KAZN: variants seen among roughly 807,000 people sequenced by gnomAD.
KAZN encodes the protein kazrin.
A neutral mutation model predicts 87.4 loss-of-function variants in KAZN; 40 were observed. The ratio of observed to expected loss-of-function variants is 0.46; its 90% CI spans 0.36 to 0.60. The LOEUF (loss-of-function observed/expected upper bound fraction) is 0.60, where lower values mean the gene tolerates loss of function less well. Among genes scored for constraint, KAZN ranks in the 20% least tolerant of loss-of-function variants. The probability of loss-of-function intolerance (pLI) is 0.00; values close to 1 mark genes in which losing one functional copy is unlikely to be tolerated. For missense variants in KAZN, 898 were observed against 1,073.9 expected, an observed-to-expected ratio of 0.84 and a Z score of 2.29; for synonymous variants, 466 against 458.3, an observed-to-expected ratio of 1.02 and a Z score of -0.22.
intron 2 of KAZN, among the ~76,000 whole-genome samples, chr1:14,189,475 C>T (rs1646379262): frequency 6.6e-6 from 1 of 152,176 alleles, no homozygotes; most frequent in South Asian, 2.1e-4. Flanking sequence ...TCCTGTAAGT[C>T]TATGGATTGC....
In KAZN at chr1:14,647,821, C is replaced by G. The variant is rs183412406; in HGVS notation, c.226+48598C>G. 4.5e-4 allele frequency among the ~76,000 whole-genome samples: 68 copies of G among 152,200 alleles called. 1 individual carries two copies. The Middle Eastern group carries it at 0.01, about 23-fold the overall frequency. ...GGGTTCACCAATTTGTGATTTCTCC[C>G]GCACCTTAACCCCCTAAAGGTCAAC... On this transcript the variant is annotated intron_variant, in intron 1 of 14. Coordinates refer to ENST00000376030, the MANE Select transcript of KAZN (RefSeq NM_201628.3).
intron 1 of KAZN, among the ~76,000 whole-genome samples, chr1:14,738,779 G>A (rs1051058915): frequency 1.3e-5 from 2 of 152,166 alleles, no homozygotes; most frequent in South Asian, 2.1e-4. Context: ...AAGTGAGGAT[G>A]ACGATTCACA....
intron 2 of KAZN, among the ~76,000 whole-genome samples, chr1:14,440,954 A>G (rs888706198): frequency 3.9e-5 from 6 of 152,180 alleles, no homozygotes; most frequent in Admixed American, 2.0e-4. Flanking sequence ...TGTCTCAGTG[A>G]ACCACAATCA....
chr1:14,285,551 G>A (rs1174421157), intron 2 of KAZN, among the ~76,000 whole-genome samples: 1 of 152,158 alleles, frequency 6.6e-6, no homozygotes, highest in Non-Finnish European at 1.5e-5. Context: ...CAACAGTTGT[G>A]TATTTCCTGT....
intron 1 of KAZN, among the ~76,000 whole-genome samples, chr1:14,833,132 A>G (rs1348865015): frequency 3.9e-5 from 6 of 152,218 alleles, no homozygotes; most frequent in Admixed American, 1.3e-4. Flanking sequence ...CTGTGTAGCC[A>G]GTGAGATGCC....
At chr1:15,068,160 CTA>C (rs1382542901) in intron 8 of KAZN, 1 of 862,402 alleles carries the variant, frequency 1.2e-6, no homozygotes, top group African/African-American at 1.9e-5. Flanking sequence ...TGATCGAATT[CTA>C]TGTTATTTGA....
At chr1:14,875,480 A>AT (rs1434039110) in intron 1 of KAZN, among the ~76,000 whole-genome samples, 6 of 122,990 alleles carry the variant, frequency 4.9e-5, no homozygotes, top group Non-Finnish European at 9.4e-5. Flanking sequence ...TCCTTAATTT[A>AT]TTAAAAAAAA....
At chr1:14,276,074 C>T (rs1241838970) in intron 2 of KAZN, among the ~76,000 whole-genome samples, 1 of 152,074 alleles carries the variant, frequency 6.6e-6, no homozygotes, top group Non-Finnish European at 1.5e-5. Flanking sequence ...GGCTGCCCTC[C>T]CAGCTGCTCT....
chr1:14,847,473 T>A (rs1023217000), intron 1 of KAZN, among the ~76,000 whole-genome samples: 2 of 152,216 alleles, frequency 1.3e-5, no homozygotes, highest in Non-Finnish European at 2.9e-5. Context: ...GGGAGGTGCC[T>A]GCTGTTTTGA....
intron 2 of KAZN, among the ~76,000 whole-genome samples, chr1:14,503,514 T>C (rs1238149411): frequency 6.7e-6 from 1 of 149,010 alleles, no homozygotes; most frequent in African/African-American, 2.5e-5. Flanking sequence ...TTGATATGTG[T>C]AGAGTGCTTA....
intron 2 of KAZN, among the ~76,000 whole-genome samples, chr1:14,204,302 A>G (rs1466064614): frequency 1.3e-5 from 2 of 152,222 alleles, no homozygotes; most frequent in Non-Finnish European, 2.9e-5. Flanking sequence ...CTTCTGAGCC[A>G]TACCTTGTAT....
intron 2 of KAZN, among the ~76,000 whole-genome samples, chr1:14,372,254 T>TC (rs1660550370): frequency 6.6e-6 from 1 of 152,236 alleles, no homozygotes; most frequent in Admixed American, 6.5e-5. Flanking sequence ...CATGGATAGA[T>TC]CAACAGCCTG....
Position 15,021,860 on chromosome 1 carries a change from G to A in KAZN, c.419-12889G>A, listed in dbSNP as rs1013127240. Among the ~76,000 whole-genome samples, 1 of 152,014 alleles carries A rather than the reference G, an allele frequency of 6.6e-6. No homozygotes were observed. The highest frequency in any genetic ancestry group is 1.5e-5 in the Non-Finnish European group (1 of 68,008). ...TCATGCTGCTGATAAAGACATACCC[G>A]AGACTAGGACATTTACAAAGAAAAA... On this transcript the variant is annotated intron_variant, in intron 2 of 14. Transcript: ENST00000376030. This position sits in a 1 kb window ranked among gnomAD's most constrained non-coding sequence, Gnocchi z 4.2.
intron 1 of KAZN, among the ~76,000 whole-genome samples, chr1:14,762,229 G>A (rs1490549787): frequency 2.6e-5 from 4 of 152,298 alleles, no homozygotes; most frequent in Admixed American, 6.5e-5. Context: ...AGACATGGCC[G>A]CCATTCGATG....
chr1:14,330,861 C>T (rs535795668), intron 2 of KAZN, among the ~76,000 whole-genome samples: 44 of 152,078 alleles, frequency 2.9e-4, no homozygotes, highest in African/African-American at 6.8e-4. Flanking sequence ...GAAAGACTCC[C>T]GGGATATATC....
At position 14,845,198 on chromosome 1, in the gene KAZN, G is replaced by GATGGGTGA. The variant is rs1553143664; in HGVS notation, c.227-115486_227-115485insATGGGTGA. Among the ~76,000 whole-genome samples the GATGGGTGA allele has an allele frequency of 2.7e-5, 4 of 150,834 alleles. No individual in the cohort carries two copies. The East Asian group carries it at 7.9e-4, about 30-fold the overall frequency. On this transcript the variant is annotated intron_variant, in intron 1 of 14. Transcript: ENST00000376030. Reference sequence around the variant, plus strand: ...GGATGGATGGATGGATGGATGGATGGGTGAGTGAGTGGATGGGTGGGTGGA... The same window carrying GATGGGTGA: ...GGATGGATGGATGGATGGATGGATGGATGGGTGAGTGAGTGAGTGGATGGGTGGGTGGA...
intron 2 of KAZN, among the ~76,000 whole-genome samples, chr1:14,504,059 G>A (rs1420614066): frequency 2.6e-5 from 4 of 152,110 alleles, no homozygotes; most frequent in South Asian, 2.1e-4. Flanking sequence ...CTTAAATGTC[G>A]TGCCCTAGTC....
At chr1:15,084,687 GA>G (rs1640168433) in intron 8 of KAZN, among the ~76,000 whole-genome samples, 1 of 152,334 alleles carries the variant, frequency 6.6e-6, no homozygotes, top group Middle Eastern at 3.4e-3. Context: ...AAAGGGGCAT[GA>G]AGTGGCCCCT....
At chr1:14,877,077 A>G (rs1439313214) in intron 1 of KAZN, among the ~76,000 whole-genome samples, 1 of 152,200 alleles carries the variant, frequency 6.6e-6, no homozygotes, top group African/African-American at 2.4e-5. Flanking sequence ...GGCTGGTTCC[A>G]GGGACTTGAA....
Sources: gnomAD v4.1 joint callset for allele counts (sites outside exome capture counted in the v4.1 genomes callset) on GRCh38, gnomAD v4.1.1 for gene constraint, Gnocchi (gnomAD v3.1) non-coding constraint, MANE v1.5 for transcripts, NCBI Gene and HGNC (gene_info 2026-07-23, HGNC 2026-07-21) for gene names.